Variants in KCNB2 observed in about 807,000 individuals in gnomAD.
KCNB2 encodes the protein potassium voltage-gated channel subfamily B member 2.
Under a neutral mutation model 61.5 loss-of-function variants are expected in KCNB2, and 15 were observed. The ratio of observed to expected loss-of-function variants is 0.24; its 90% CI spans 0.16 to 0.38. The LOEUF is 0.38. Among genes scored for constraint, KCNB2 ranks in the 10% least tolerant of loss-of-function variants. KCNB2 has a pLI of 1.00. For synonymous variants in KCNB2, 457 were observed against 446.0 expected (o/e 1.02, Z -0.31); for missense variants, 828 against 1,125.2 (o/e 0.74, Z 3.78).
At chr8:72,813,387 T>TA (rs1159809173) in intron 2 of KCNB2, among the ~76,000 whole-genome samples, 1 of 151,958 alleles carries the variant, frequency 6.6e-6, no homozygotes, top group Non-Finnish European at 1.5e-5. Flanking sequence ...CCCTGGGAGA[T>TA]ATGAAACTGC....
chr8:72,801,018 C>T (rs1334905704), intron 2 of KCNB2, among the ~76,000 whole-genome samples: 2 of 152,146 alleles, frequency 1.3e-5, no homozygotes, highest in Non-Finnish European at 2.9e-5. Context: ...TGAGATGGTT[C>T]ACTAGCGGCT....
chr8:72,875,111 C>CAAA (rs139215569), intron 2 of KCNB2: 5 of 152,088 alleles, frequency 3.3e-5, no homozygotes, highest in African/African-American at 1.2e-4. Context: ...TCTTTTTTCA[C>CAAA]AAAGAAACAC....
intron 2 of KCNB2, among the ~76,000 whole-genome samples, chr8:72,626,623 T>C (rs781261912): frequency 6.6e-6 from 1 of 152,222 alleles, no homozygotes; most frequent in Non-Finnish European, 1.5e-5. Context: ...TTAAAAGGAT[T>C]ATTGTCCCCA....
chr8:72,738,934 C>A (rs1043033018), intron 2 of KCNB2, among the ~76,000 whole-genome samples: 1 of 152,104 alleles, frequency 6.6e-6, no homozygotes, highest in Non-Finnish European at 1.5e-5. Context: ...ATTTTGACAT[C>A]AAGTTTAATA....
chr8:72,575,881 G>T, intron 2 of KCNB2, among the ~76,000 whole-genome samples: 1 of 152,042 alleles, frequency 6.6e-6, no homozygotes, highest in East Asian at 1.9e-4. Context: ...TTTTTTTAAA[G>T]AGTTTGAAAT....
chr8:72,772,567 C>G (rs751932911), intron 2 of KCNB2, among the ~76,000 whole-genome samples: 1 of 152,104 alleles, frequency 6.6e-6, no homozygotes. Context: ...ATTTGTCTTC[C>G]CCACCCTTTC....
intron 2 of KCNB2, among the ~76,000 whole-genome samples, chr8:72,833,882 C>G (rs570545224): frequency 1.3e-5 from 2 of 152,250 alleles, no homozygotes; most frequent in African/African-American, 2.4e-5. Flanking sequence ...AGGGGTCCAC[C>G]ACCCTTCCTG....
At chr8:72,740,898 C>T (rs1336768014) in intron 2 of KCNB2, among the ~76,000 whole-genome samples, 7 of 152,088 alleles carry the variant, frequency 4.6e-5, no homozygotes, top group Non-Finnish European at 8.8e-5. Flanking sequence ...TGGTTTACAT[C>T]CTGAATATTG....
Position 72,787,788 on chromosome 8 carries a change from C to T in KCNB2, c.580-148147C>T, listed in dbSNP as rs1055318607. Among the ~76,000 whole-genome samples the T allele has an allele frequency of 2.0e-5, 3 of 152,276 alleles. No homozygotes were observed. In the East Asian group the frequency reaches 5.8e-4, roughly 29 times the overall value. On this transcript the variant is annotated intron_variant, in intron 2 of 2. Coordinates refer to ENST00000523207, the MANE Select transcript of KCNB2 (RefSeq NM_004770.3). ...AAATGAATGTCTTTTATGCATTTTACATTAAAATGACATTTTTAAATTATG... is the reference window on the plus strand; with the variant it reads ...AAATGAATGTCTTTTATGCATTTTATATTAAAATGACATTTTTAAATTATG...
Position 72,936,869 on chromosome 8 carries a change from A to G in KCNB2, c.1514A>G (p.Asn505Ser), listed in dbSNP as rs1220223702. 2 of 1,614,008 alleles carry G rather than the reference A, an allele frequency of 1.2e-6. No homozygotes were observed. The highest frequency in any genetic ancestry group is 1.3e-5 in the African/African-American group (1 of 74,914). Residue 505 changes from asparagine (N) to serine (S), a missense_variant, in exon 3 of 3, where the codon AAC becomes AGC. Physicochemically the swap from Asn to Ser is conservative, Grantham distance 46. Transcript: ENST00000523207. The surrounding 1 kb of genome is among the most constrained non-coding windows in gnomAD (Gnocchi z 5.6). The stretch of plus-strand genomic sequence containing the variant: ...AAGGCTCTGTCGGAAACAAGCTCCA[A>G]CAAGTCTTTCGAGAATAAGTACCAG... ...ARKALSETSS[N>S]KSFENKYQEV...
At chr8:72,791,619 A>T (rs1808944600) in intron 2 of KCNB2, among the ~76,000 whole-genome samples, 1 of 152,110 alleles carries the variant, frequency 6.6e-6, no homozygotes, top group Non-Finnish European at 1.5e-5. Context: ...AAACACAATT[A>T]ATTAACTGGA....
At chr8:72,713,011 A>T (rs185727660) in intron 2 of KCNB2, among the ~76,000 whole-genome samples, 1,579 of 152,352 alleles carry the variant, frequency 0.01, 16 homozygotes, top group South Asian at 0.035. Context: ...CCAGGAGATT[A>T]TATCCCACAC....
At chr8:72,600,907 A>G (rs1805339648) in intron 2 of KCNB2, among the ~76,000 whole-genome samples, 1 of 152,094 alleles carries the variant, frequency 6.6e-6, no homozygotes, top group African/African-American at 2.4e-5. Context: ...TAATACCTGG[A>G]TAATGAAATA....
At chr8:72,734,621 T>C (rs1807807116) in intron 2 of KCNB2, among the ~76,000 whole-genome samples, 1 of 152,146 alleles carries the variant, frequency 6.6e-6, no homozygotes, top group African/African-American at 2.4e-5. Flanking sequence ...TGAATGAATA[T>C]TCCCCGGGAG....
chr8:72,543,510 G>A (rs1806219162), intron 1 of KCNB2, among the ~76,000 whole-genome samples: 1 of 152,186 alleles, frequency 6.6e-6, no homozygotes, highest in Non-Finnish European at 1.5e-5. Context: ...GCAAACAGAT[G>A]TGGGTGTACT....
chr8:72,819,407 C>G (rs958795821), intron 2 of KCNB2, among the ~76,000 whole-genome samples: 28 of 152,116 alleles, frequency 1.8e-4, no homozygotes, highest in Admixed American at 1.8e-3. Context: ...ACAAAAAGCC[C>G]CTGCCTACTT....
intron 2 of KCNB2, among the ~76,000 whole-genome samples, chr8:72,869,167 C>T (rs896545457): frequency 2.6e-5 from 4 of 152,156 alleles, no homozygotes; most frequent in African/African-American, 9.7e-5. Context: ...AGTTACCTGC[C>T]TTGAGCTTGA....
intron 2 of KCNB2, among the ~76,000 whole-genome samples, chr8:72,837,858 A>G (rs1371278811): frequency 2.6e-5 from 4 of 152,166 alleles, no homozygotes; most frequent in Non-Finnish European, 5.9e-5. Context: ...TTTACTAACT[A>G]ATTTATTAAC....
intron 2 of KCNB2, among the ~76,000 whole-genome samples, chr8:72,578,030 A>C (rs867416711): frequency 5.3e-5 from 8 of 152,218 alleles, no homozygotes; most frequent in African/African-American, 1.4e-4. Flanking sequence ...GTATCTGGCA[A>C]CATTTTGTAT....
Sources: gnomAD v4.1 joint callset for allele counts (sites outside exome capture counted in the v4.1 genomes callset) on GRCh38, gnomAD v4.1.1 for gene constraint, Gnocchi (gnomAD v3.1) non-coding constraint, MANE v1.5 for transcripts, NCBI Gene and HGNC (gene_info 2026-07-23, HGNC 2026-07-21) for gene names.